Variants in PRUNE2 observed in about 807,000 individuals in gnomAD.
The protein encoded by PRUNE2 is protein prune homolog 2.
PRUNE2 carries 164 observed loss-of-function variants against 252.0 expected under a neutral mutation model. That is an observed-to-expected ratio of 0.65 (90% CI 0.57 to 0.74). The LOEUF (loss-of-function observed/expected upper bound fraction) is 0.74, where lower values mean the gene tolerates loss of function less well. Ranked by LOEUF, PRUNE2 falls within the 30% of genes least tolerant of loss-of-function variation. The pLI, the probability that PRUNE2 is intolerant of heterozygous loss-of-function variation, is 0.00. For missense variants in PRUNE2, 3,495 were observed against 3,711.0 expected (o/e 0.94, Z 1.51); for synonymous variants, 1,292 against 1,350.2 (o/e 0.96, Z 0.94).
rs993621479 is a variant in PRUNE2 at position 76,612,942 on chromosome 9, T to A, written c.*1628A>T. 8 of 152,202 alleles carry A rather than the reference T, an allele frequency of 5.3e-5. No homozygotes were observed. Among genetic ancestry groups the A allele is most frequent in the African/African-American group, 1.7e-4 (7 of 41,446 alleles). The allele number at this position is 152,202 out of a possible 1,614,324, so 9.4% of individuals were successfully genotyped here. ...GGGTGGAACCGCTCTCACCCCTTCATTTTTATTTCTGCCAGCTTCTTTGTA... is the reference window on the plus strand; with the variant it reads ...GGGTGGAACCGCTCTCACCCCTTCAATTTTATTTCTGCCAGCTTCTTTGTA... On this transcript the variant is annotated 3_prime_UTR_variant, in exon 19 of 19. Transcript: ENST00000376718.
intron 6 of PRUNE2, among the ~76,000 whole-genome samples, chr9:76,719,355 A>G (rs903871553): frequency 6.6e-6 from 1 of 152,222 alleles, no homozygotes; most frequent in African/African-American, 2.4e-5. Context: ...ACAATTCACA[A>G]CTGGAATTCA....
intron 6 of PRUNE2, among the ~76,000 whole-genome samples, chr9:76,779,465 A>G (rs1031444277): frequency 9.9e-5 from 15 of 152,220 alleles, no homozygotes; most frequent in African/African-American, 3.6e-4. Context: ...GGATGCACTT[A>G]TGAAAAATGG....
chr9:76,761,056 G>A (rs1027273954), intron 6 of PRUNE2, among the ~76,000 whole-genome samples: 69 of 144,944 alleles, frequency 4.8e-4, no homozygotes, highest in African/African-American at 1.6e-3. Context: ...ACTGCACTCC[G>A]GCCTGGGTGA....
intron 15 of PRUNE2, among the ~76,000 whole-genome samples, chr9:76,629,734 T>C (rs1330634082): frequency 6.6e-6 from 1 of 152,114 alleles, no homozygotes; most frequent in Non-Finnish European, 1.5e-5. Flanking sequence ...AATTTTGTGG[T>C]TTTTGACCAA....
chr9:76,616,462 C>G (rs546047970), intron 18 of PRUNE2, among the ~76,000 whole-genome samples: 1 of 152,046 alleles, frequency 6.6e-6, no homozygotes, highest in African/African-American at 2.4e-5. Context: ...CTAAAAACTG[C>G]GAGAGTGGGT....
rs201131932 is a variant in PRUNE2, at chr9:76,638,274, C to T, written c.8743G>A (p.Gly2915Ser). 2.9e-5 allele frequency: 47 copies of T among 1,613,108 alleles called. No homozygotes were observed. Among genetic ancestry groups the T allele is most frequent in the Non-Finnish European group, 3.6e-5 (42 of 1,179,242 alleles). ...GCAAACACAATGATGGCATTTAGAC[C>T]GTCCCCATAGTATCCTGGGGGACAA... Reference protein sequence around the residue: ...VISHGGYYGDGLNAIIVFAAC... With the variant: ...VISHGGYYGDSLNAIIVFAAC... The change falls in exon 13 of 19, where the codon GGT becomes AGT. Residue 2915 changes from glycine (G) to serine (S), a missense_variant. By Grantham distance (56) the Gly-to-Ser change is moderately conservative. Coordinates refer to ENST00000376718, the MANE Select transcript of PRUNE2 (RefSeq NM_015225.3).
Position 76,625,000 on chromosome 9 carries a change from A to G in PRUNE2, c.9150-510T>C, listed in dbSNP as rs756490716. ...GTGTACACACACAGGGTCCAGCATG[A>G]ATAGGAGATCAGGAGATTTTACCTC... On this transcript the variant is annotated intron_variant, in intron 16 of 18. Transcript: ENST00000376718. 3.1e-6 allele frequency: 4 copies of G among 1,296,740 alleles called. No individual in the cohort carries two copies. The Admixed American group carries it at 9.2e-5, about 30-fold the overall frequency. 80.3% of individuals were successfully genotyped at this position (1,296,740 alleles called of 1,614,324 possible).
intron 6 of PRUNE2, among the ~76,000 whole-genome samples, chr9:76,814,598 T>C (rs774268484): frequency 6.6e-6 from 1 of 152,174 alleles, no homozygotes; most frequent in Non-Finnish European, 1.5e-5. Flanking sequence ...CACCATTTTA[T>C]TCTGGGGAGG....
chr9:76,760,064 A>T (rs545502541), intron 6 of PRUNE2: 1 of 152,312 alleles, frequency 6.6e-6, no homozygotes, highest in African/African-American at 2.4e-5. Context: ...AATTTAAATA[A>T]ATTAGTTTAA....
intron 6 of PRUNE2, among the ~76,000 whole-genome samples, chr9:76,725,279 TG>T (rs1478733361): frequency 6.6e-6 from 1 of 152,266 alleles, no homozygotes; most frequent in African/African-American, 2.4e-5. Flanking sequence ...AATATTAACC[TG>T]ACCAAATGAA....
chr9:76,636,594 A>G (rs982175285), intron 14 of PRUNE2, 37 bp from the exon 15 acceptor site: 2 of 1,080,330 alleles, frequency 1.9e-6, no homozygotes, highest in African/African-American at 3.2e-5. Flanking sequence ...ATTACTCTTA[A>G]CCCATTTTCA....
At position 76,704,026 on chromosome 9, in the gene PRUNE2, T is replaced by G; in HGVS notation, c.7587A>C (p.Ser2529=). The change falls in exon 9 of 19, where the codon TCA becomes TCC. Residue 2529 remains serine (S), a synonymous_variant. Transcript: ENST00000376718. ...CTGTACATCTTTCTTCCTTGTATTC[T>G]GATTTTATCTGCTCAGGCTCTTTGG... The part of the protein sequence containing the change: ...IPTKEPEQIK[S]EYKEERCTEK... The G allele has an allele frequency of 3.1e-6, 5 of 1,613,582 alleles. No individual in the cohort carries two copies. The highest frequency in any genetic ancestry group is 4.2e-6 in the Non-Finnish European group (5 of 1,179,732).
intron 15 of PRUNE2, among the ~76,000 whole-genome samples, chr9:76,632,496 T>C (rs1838101066): frequency 6.6e-6 from 1 of 152,172 alleles, no homozygotes; most frequent in Non-Finnish European, 1.5e-5. Flanking sequence ...ATTTCTAGGC[T>C]GTGTCACCCT....
intron 6 of PRUNE2, among the ~76,000 whole-genome samples, chr9:76,770,569 T>C (rs629806): frequency 0.55 from 83,244 of 151,962 alleles, 24,569 homozygotes; most frequent in African/African-American, 0.77. Flanking sequence ...TATGGTAAAA[T>C]TAAAATTAAA....
intron 9 of PRUNE2, among the ~76,000 whole-genome samples, chr9:76,666,956 G>C (rs960494680): frequency 6.6e-6 from 1 of 152,022 alleles, no homozygotes; most frequent in Non-Finnish European, 1.5e-5. Context: ...TGAGAAAGGA[G>C]AATCACTTGA....
chr9:76,733,684 C>T (rs377054219), intron 6 of PRUNE2: 31 of 152,198 alleles, frequency 2.0e-4, no homozygotes, highest in African/African-American at 7.5e-4. Flanking sequence ...GGACTACAGG[C>T]ATGAGCCATA....
intron 6 of PRUNE2, among the ~76,000 whole-genome samples, chr9:76,750,322 G>A (rs970061417): frequency 6.6e-6 from 1 of 152,092 alleles, no homozygotes; most frequent in Non-Finnish European, 1.5e-5. Context: ...CATGGAAGTT[G>A]GGGCAGTCTT....
At chr9:76,905,821 C>A in intron 1 of PRUNE2, 107 bp downstream of exon 1, 2 of 1,442,410 alleles carry the variant, frequency 1.4e-6, no homozygotes, top group Non-Finnish European at 1.9e-6. Context: ...CCTGATAACT[C>A]CGTGGCAAAG....
At chr9:76,616,272 C>T (rs975011465) in intron 18 of PRUNE2, among the ~76,000 whole-genome samples, 1 of 152,138 alleles carries the variant, frequency 6.6e-6, no homozygotes, top group African/African-American at 2.4e-5. Context: ...TATACCTTTA[C>T]AAAACAGGTC....
Sources: gnomAD v4.1 joint callset for allele counts (sites outside exome capture counted in the v4.1 genomes callset) on GRCh38, gnomAD v4.1.1 for gene constraint, MANE v1.5 for transcripts, NCBI Gene and HGNC (gene_info 2026-07-23, HGNC 2026-07-21) for gene names.